The following LYPLA1 variants were observed in gnomAD, a reference collection of about 807,000 sequenced individuals.
LYPLA1 encodes the protein acyl-protein thioesterase 1.
In LYPLA1, 17 loss-of-function variants were observed where a neutral mutation model predicts 34.0. That is an observed-to-expected ratio of 0.50 (90% CI 0.34 to 0.75). The LOEUF (loss-of-function observed/expected upper bound fraction) is 0.75, where lower values mean the gene tolerates loss of function less well. Among genes scored for constraint, LYPLA1 ranks in the 30% least tolerant of loss-of-function variants. The pLI is 0.01. For missense variants in LYPLA1, 203 were observed against 288.8 expected, an observed-to-expected ratio of 0.70 and a Z score of 2.15; for synonymous variants, 98 against 100.8, an observed-to-expected ratio of 0.97 and a Z score of 0.17.
chr8:54,101,707 G>A (rs749405249), intron 1 of LYPLA1, 48 bp downstream of exon 1: 13 of 1,258,802 alleles, frequency 1.0e-5, no homozygotes, highest in African/African-American at 6.2e-5. Context: ...GGCAACCACC[G>A]GTGGCCGGCC....
chr8:54,092,117 G>A (rs1809327602), intron 2 of LYPLA1, among the ~76,000 whole-genome samples: 1 of 151,472 alleles, frequency 6.6e-6, no homozygotes, highest in Non-Finnish European at 1.5e-5. Context: ...GGGGGAGGGG[G>A]AGGCAGCGGC....
chr8:54,082,020 G>A (rs995105993), intron 2 of LYPLA1, among the ~76,000 whole-genome samples: 14 of 152,128 alleles, frequency 9.2e-5, no homozygotes, highest in Non-Finnish European at 1.8e-4. Flanking sequence ...ATGAGCCACC[G>A]CATCTGAGGA....
At chr8:54,054,106 G>C (rs540288741) in intron 6 of LYPLA1, among the ~76,000 whole-genome samples, 61 of 152,158 alleles carry the variant, frequency 4.0e-4, no homozygotes, top group African/African-American at 1.4e-3. Context: ...TCAGCCTCCG[G>C]AGTAGCTGGA....
At chr8:54,063,522 A>T in intron 3 of LYPLA1, 147 bp from the exon 4 acceptor site, 1 of 637,446 alleles carries the variant, frequency 1.6e-6, no homozygotes, top group East Asian at 3.0e-5. Context: ...TTTCATCCAC[A>T]CCTGTACAAC....
chr8:54,085,678 C>T (rs567377819), intron 2 of LYPLA1, among the ~76,000 whole-genome samples: 145 of 149,650 alleles, frequency 9.7e-4, no homozygotes, highest in African/African-American at 3.4e-3. Context: ...TCACCCCGTC[C>T]GGGAGGTGAG....
chr8:54,090,235 G>T (rs1392116929), intron 2 of LYPLA1, among the ~76,000 whole-genome samples: 1 of 152,100 alleles, frequency 6.6e-6, no homozygotes, highest in Non-Finnish European at 1.5e-5. Context: ...GCCTCTTTAG[G>T]GTTAAGACAT....
At chr8:54,056,927 A>C (rs1806244173) in intron 5 of LYPLA1, among the ~76,000 whole-genome samples, 1 of 151,842 alleles carries the variant, frequency 6.6e-6, no homozygotes, top group Admixed American at 6.6e-5. Flanking sequence ...AAACAAGAAC[A>C]AAAAAAACGG....
intron 1 of LYPLA1, chr8:54,101,364 A>C: frequency 9.5e-7 from 1 of 1,054,342 alleles, no homozygotes; most frequent in Non-Finnish European, 1.1e-6. Context: ...TAGGACACTC[A>C]ATCTTCAAAC....
chr8:54,057,058 C>T (rs920473535), intron 5 of LYPLA1, among the ~76,000 whole-genome samples: 2 of 152,106 alleles, frequency 1.3e-5, no homozygotes, highest in South Asian at 2.1e-4. Flanking sequence ...AATGAAATAT[C>T]GTCTCACCCC....
chr8:54,089,187 A>C (rs1388749490), intron 2 of LYPLA1, among the ~76,000 whole-genome samples: 1 of 152,194 alleles, frequency 6.6e-6, no homozygotes, highest in Non-Finnish European at 1.5e-5. Context: ...TATACTTTAA[A>C]AGAGTGAAGT....
At chr8:54,065,625 T>G in intron 3 of LYPLA1, 123 bp downstream of exon 3, 1 of 621,246 alleles carries the variant, frequency 1.6e-6, no homozygotes, top group South Asian at 2.7e-5. Flanking sequence ...TAATCTTTAT[T>G]TTTAAACAAT....
intron 2 of LYPLA1, among the ~76,000 whole-genome samples, chr8:54,066,926 T>C (rs1807109418): frequency 6.6e-6 from 1 of 152,162 alleles, no homozygotes; most frequent in South Asian, 2.1e-4. Context: ...TACAAGCACT[T>C]TGGGAGACTG....
chr8:54,093,644 C>T (rs1809473501), intron 2 of LYPLA1, among the ~76,000 whole-genome samples: 2 of 152,152 alleles, frequency 1.3e-5, no homozygotes, highest in African/African-American at 2.4e-5. Flanking sequence ...GAAACTAATA[C>T]ATGTGGTGAT....
At chr8:54,083,866 G>A (rs1037533705) in intron 2 of LYPLA1, among the ~76,000 whole-genome samples, 6 of 152,098 alleles carry the variant, frequency 3.9e-5, no homozygotes, top group East Asian at 1.9e-4. Context: ...GGCCGGGCAC[G>A]GTGGCTCACG....
intron 2 of LYPLA1, among the ~76,000 whole-genome samples, chr8:54,067,909 G>C (rs909317992): frequency 2.0e-5 from 3 of 151,748 alleles, no homozygotes; most frequent in South Asian, 2.1e-4. Flanking sequence ...GGATGGTCTT[G>C]ATCTCCTGAC....
intron 2 of LYPLA1, among the ~76,000 whole-genome samples, chr8:54,082,487 T>TA (rs1328086240): frequency 1.3e-5 from 2 of 152,190 alleles, no homozygotes; most frequent in African/African-American, 4.8e-5. Flanking sequence ...TTTTAGAATG[T>TA]ACTTTTTTTT....
At chr8:54,066,078 A>G (rs978697287) in intron 2 of LYPLA1, among the ~76,000 whole-genome samples, 6 of 152,132 alleles carry the variant, frequency 3.9e-5, no homozygotes, top group African/African-American at 7.2e-5. Context: ...CCGGGACTAC[A>G]GGTGCCCGCC....
chr8:54,091,708 G>A (rs1239113150), intron 2 of LYPLA1, among the ~76,000 whole-genome samples: 1 of 152,106 alleles, frequency 6.6e-6, no homozygotes, highest in East Asian at 1.9e-4. Flanking sequence ...CTAAAAGTGT[G>A]GTCACAGACA....
At chr8:54,080,847 C>A (rs530102059) in intron 2 of LYPLA1, among the ~76,000 whole-genome samples, 3 of 152,344 alleles carry the variant, frequency 2.0e-5, no homozygotes, top group African/African-American at 7.2e-5. Context: ...CTTGGCCTCC[C>A]AAAGTGTTGG....
Sources: allele counts gnomAD v4.1 joint callset (sites outside exome capture counted in the v4.1 genomes callset), GRCh38; gene constraint gnomAD v4.1.1; transcripts MANE v1.5; gene names NCBI Gene and HGNC (gene_info 2026-07-23, HGNC 2026-07-21).